Variants in BCAS1 observed in about 807,000 individuals in gnomAD.
BCAS1 encodes breast carcinoma-amplified sequence 1.
BCAS1 carries 46 observed loss-of-function variants against 65.4 expected under a neutral mutation model. The observed-to-expected ratio is 0.70, with a 90% CI of 0.55 to 0.90. BCAS1 has a LOEUF of 0.90. Ranked by LOEUF, BCAS1 falls within the 40% of genes least tolerant of loss-of-function variation. The probability of loss-of-function intolerance (pLI) is 0.00; values close to 1 mark genes in which losing one functional copy is unlikely to be tolerated. For synonymous variants in BCAS1, 298 were observed against 293.5 expected (o/e 1.02, Z -0.16); for missense variants, 793 against 771.2 (o/e 1.03, Z -0.33).
At chr20:54,045,210 CA>C (rs11086447) in intron 3 of BCAS1, among the ~76,000 whole-genome samples, 56,089 of 135,904 alleles carry the variant, frequency 0.41, 11,622 homozygotes, top group East Asian at 0.61. Context: ...GACCTCATCT[CA>C]AAAAAAAAAA....
chr20:53,979,158 C>A (rs955905545), intron 8 of BCAS1, among the ~76,000 whole-genome samples: 1 of 152,084 alleles, frequency 6.6e-6, no homozygotes, highest in Non-Finnish European at 1.5e-5. Context: ...CAACTCAAAC[C>A]ATGTCTGGAA....
intron 3 of BCAS1, among the ~76,000 whole-genome samples, chr20:54,038,648 C>T (rs1235640177): frequency 6.6e-6 from 1 of 151,310 alleles, no homozygotes; most frequent in Non-Finnish European, 1.5e-5. Context: ...TATCCAAATC[C>T]TCCAAGCTTT....
intron 7 of BCAS1, among the ~76,000 whole-genome samples, chr20:53,986,964 C>A (rs2090631268): frequency 6.6e-6 from 1 of 152,136 alleles, no homozygotes; most frequent in Non-Finnish European, 1.5e-5. Flanking sequence ...TCTTAAAGCC[C>A]ATCTGATCCA....
intron 7 of BCAS1, among the ~76,000 whole-genome samples, chr20:53,987,933 TCAA>T (rs1475691073): frequency 3.9e-5 from 6 of 152,150 alleles, no homozygotes; most frequent in African/African-American, 1.4e-4. Context: ...CGTGGCTACT[TCAA>T]CAACAACCTC....
chr20:53,949,681 A>G (rs1197764307), intron 12 of BCAS1, among the ~76,000 whole-genome samples: 1 of 152,202 alleles, frequency 6.6e-6, no homozygotes, highest in Non-Finnish European at 1.5e-5. Flanking sequence ...CACTGGGACG[A>G]TGCAGGACTT....
chr20:54,044,559 C>T (rs917765330), intron 3 of BCAS1, among the ~76,000 whole-genome samples: 1 of 152,088 alleles, frequency 6.6e-6, no homozygotes, highest in African/African-American at 2.4e-5. Context: ...ATTTTCCGGC[C>T]GGGCGCGGTG....
At chr20:54,022,285 T>TTGTGTG (rs11469328) in intron 4 of BCAS1, among the ~76,000 whole-genome samples, 5 of 150,672 alleles carry the variant, frequency 3.3e-5, no homozygotes, top group South Asian at 2.1e-4. Context: ...TAATTGATTG[T>TTGTGTG]TGTGTGTGTG....
intron 4 of BCAS1, among the ~76,000 whole-genome samples, chr20:54,019,250 T>C (rs1753223495): frequency 6.6e-6 from 1 of 152,210 alleles, no homozygotes; most frequent in Non-Finnish European, 1.5e-5. Context: ...TTGAGCTACC[T>C]TGTTAGAGGC....
chr20:53,953,805 A>C, intron 11 of BCAS1, 110 bp from the exon 12 acceptor site: 1 of 1,255,642 alleles, frequency 8.0e-7, no homozygotes, highest in Non-Finnish European at 1.1e-6. Context: ...TGGTATCTAC[A>C]TTTTCATGAA....
chr20:53,953,333 G>A, intron 12 of BCAS1, 99 bp downstream of exon 12: 6 of 1,439,238 alleles, frequency 4.2e-6, no homozygotes, highest in Non-Finnish European at 5.7e-6. Flanking sequence ...CGGGATCCCA[G>A]TGTGAAGAGC....
intron 4 of BCAS1, among the ~76,000 whole-genome samples, chr20:54,017,459 G>A (rs188139663): frequency 6.6e-5 from 10 of 150,726 alleles, no homozygotes; most frequent in East Asian, 1.9e-4. Context: ...GCAGTGGTGC[G>A]ATCTCGGCTC....
chr20:53,963,890 G>A (rs901727072), intron 10 of BCAS1, among the ~76,000 whole-genome samples: 1 of 152,262 alleles, frequency 6.6e-6, no homozygotes, highest in Non-Finnish European at 1.5e-5. Context: ...AAGTAAGTGT[G>A]TGAGGATCTT....
intron 6 of BCAS1, 40 bp from the exon 7 acceptor site, chr20:53,992,686 T>C (rs1254694953): frequency 3.2e-5 from 44 of 1,362,164 alleles, no homozygotes; most frequent in Non-Finnish European, 4.3e-5. Flanking sequence ...AACTTTGTTT[T>C]TGAACAAAAT....
intron 10 of BCAS1, among the ~76,000 whole-genome samples, chr20:53,960,731 T>C (rs1357227175): frequency 3.9e-5 from 6 of 151,946 alleles, no homozygotes; most frequent in Admixed American, 3.9e-4. Context: ...CTCCCTCACT[T>C]CCCTCCTTTT....
intron 4 of BCAS1, among the ~76,000 whole-genome samples, chr20:54,020,969 T>C (rs1330216735): frequency 6.6e-6 from 1 of 152,246 alleles, no homozygotes; most frequent in Non-Finnish European, 1.5e-5. Flanking sequence ...ACTAATGTAA[T>C]GGATACACTC....
chr20:54,056,105 A>G (rs2092292875), intron 3 of BCAS1, among the ~76,000 whole-genome samples: 1 of 152,194 alleles, frequency 6.6e-6, no homozygotes, highest in South Asian at 2.1e-4. Context: ...CATGGTAAAT[A>G]TAAGTTAATA....
intron 4 of BCAS1, among the ~76,000 whole-genome samples, chr20:54,000,626 T>C (rs767799258): frequency 6.6e-6 from 1 of 152,246 alleles, no homozygotes; most frequent in Non-Finnish European, 1.5e-5. Context: ...AGTTATCCTG[T>C]AGCTCATTAA....
At chr20:54,058,590 G>GTTTT in intron 2 of BCAS1, 57 bp downstream of exon 2, 2 of 1,259,244 alleles carry the variant, frequency 1.6e-6, no homozygotes, top group Non-Finnish European at 1.1e-6. Context: ...AATACAGGAA[G>GTTTT]TTCTTTTTTT....
At chr20:54,025,476 T>C (rs2091650967) in intron 4 of BCAS1, among the ~76,000 whole-genome samples, 1 of 152,220 alleles carries the variant, frequency 6.6e-6, no homozygotes, top group Non-Finnish European at 1.5e-5. Flanking sequence ...GTTTTAATTA[T>C]GCTTTGCCCT....
Sources: gnomAD v4.1 joint callset for allele counts (sites outside exome capture counted in the v4.1 genomes callset) on GRCh38, gnomAD v4.1.1 for gene constraint, MANE v1.5 for transcripts, NCBI Gene and HGNC (gene_info 2026-07-23, HGNC 2026-07-21) for gene names.